The following HOMER1 variants were observed in gnomAD, a reference collection of about 807,000 sequenced individuals.
HOMER1 encodes homer scaffold protein 1.
HOMER1 carries 3 observed loss-of-function variants against 48.9 expected under a neutral mutation model. The ratio of observed to expected loss-of-function variants is 0.06; its 90% CI spans 0.03 to 0.16. The LOEUF is 0.16. Among genes scored for constraint, HOMER1 ranks in the 10% least tolerant of loss-of-function variants. HOMER1 has a pLI of 1.00. For missense variants in HOMER1, 247 were observed against 411.4 expected, an observed-to-expected ratio of 0.60 and a Z score of 3.46; for synonymous variants, 134 against 146.4, an observed-to-expected ratio of 0.92 and a Z score of 0.61.
At chr5:79,507,701 A>G (rs1005029176) in intron 1 of HOMER1, among the ~76,000 whole-genome samples, 1 of 128,920 alleles carries the variant, frequency 7.8e-6, no homozygotes, top group Non-Finnish European at 1.5e-5. Flanking sequence ...TCAACTAAAC[A>G]CTAAAGACTG....
chr5:79,407,319 GA>G (rs369393571), intron 5 of HOMER1, among the ~76,000 whole-genome samples: 3,942 of 143,834 alleles, frequency 0.027, 173 homozygotes, highest in African/African-American at 0.093. Flanking sequence ...CAAAAAGCAA[GA>G]AAAAAAAAAC....
chr5:79,394,140 A>C (rs1251657698), intron 8 of HOMER1, among the ~76,000 whole-genome samples: 1 of 152,242 alleles, frequency 6.6e-6, no homozygotes, highest in African/African-American at 2.4e-5. Flanking sequence ...ATAAATTAGA[A>C]AAACTGTAGC....
chr5:79,412,855 A>T (rs986580219), intron 5 of HOMER1, among the ~76,000 whole-genome samples: 1 of 152,276 alleles, frequency 6.6e-6, no homozygotes, highest in Non-Finnish European at 1.5e-5. Flanking sequence ...TCACAAAGAC[A>T]TTAAAGCAGT....
chr5:79,451,031 C>T lies in HOMER1; in HGVS notation c.253G>A (p.Val85Ile), dbSNP rs371966108. ...TCAGAGGAGAATCCCAATCCATAAA[C>T]GGTGTTTGCCCGGCTATCAGCCCAC... ...GQWADSRANT[V>I]YGLGFSSEHH... is the part of the protein sequence containing the mutation. Residue 85 changes from valine (V) to isoleucine (I), a missense_variant, in exon 3 of 9, where the codon GTT becomes ATT. Physicochemically the swap from Val to Ile is conservative, Grantham distance 29. Coordinates refer to ENST00000334082, the MANE Select transcript of HOMER1 (RefSeq NM_004272.5). 21 of 1,613,750 alleles carry T rather than the reference C, an allele frequency of 1.3e-5. No individual in the cohort carries two copies. Among genetic ancestry groups the T allele is most frequent in the Admixed American group, 3.3e-5 (2 of 59,996 alleles).
chr5:79,468,744 G>A (rs1751542793), intron 1 of HOMER1, among the ~76,000 whole-genome samples: 1 of 152,042 alleles, frequency 6.6e-6, no homozygotes, highest in South Asian at 2.1e-4. Context: ...CTAGTCATAG[G>A]GTATTGGTAC....
At chr5:79,427,652 CTT>C (rs1750296061) in intron 5 of HOMER1, among the ~76,000 whole-genome samples, 1 of 118,504 alleles carries the variant, frequency 8.4e-6, no homozygotes, top group Non-Finnish European at 1.7e-5. Flanking sequence ...TCCTTCCTAC[CTT>C]CCTTCCTTCC....
Position 79,445,429 on chromosome 5 carries a change from GTATTA to G in HOMER1, c.387+1619_387+1623del, listed in dbSNP as rs1750848718. On this transcript the variant is annotated intron_variant, in intron 4 of 8. Coordinates refer to ENST00000334082, the MANE Select transcript of HOMER1 (RefSeq NM_004272.5). ...ATATTAATCATACAGTAAAACCACT[GTATTA>G]TAAAAGTACCAAAATGTAACTATTT... Among the ~76,000 whole-genome samples the G allele has an allele frequency of 6.6e-5, 10 of 152,292 alleles. 1 individual carries two copies. In the South Asian group the frequency reaches 2.1e-3, roughly 32 times the overall value.
At chr5:79,483,471 G>A (rs1299167342) in intron 1 of HOMER1, among the ~76,000 whole-genome samples, 1 of 151,058 alleles carries the variant, frequency 6.6e-6, no homozygotes, top group East Asian at 1.9e-4. Flanking sequence ...AATGGTTAAT[G>A]GTTTATGTTA....
At chr5:79,477,475 G>A (rs963717945) in intron 1 of HOMER1, among the ~76,000 whole-genome samples, 1 of 152,156 alleles carries the variant, frequency 6.6e-6, no homozygotes, top group African/African-American at 2.4e-5. Context: ...TATCCCTTCT[G>A]TTGGCTGGAT....
intron 5 of HOMER1, among the ~76,000 whole-genome samples, chr5:79,405,545 T>C (rs1329198954): frequency 6.6e-6 from 1 of 152,230 alleles, no homozygotes. Flanking sequence ...TTTTTTTCTA[T>C]GAATTTTTGT....
At position 79,447,710 on chromosome 5, in the gene HOMER1, A is replaced by G. The variant is rs1056154297; in HGVS notation, c.295-565T>C. ...AGCTCATGTACAGCAGCAGAAAGGA[A>G]TAATACTCAGTGGTCTTTAAGATGG... On this transcript the variant is annotated intron_variant, in intron 3 of 8. Coordinates refer to ENST00000334082, the MANE Select transcript of HOMER1 (RefSeq NM_004272.5). Among the ~76,000 whole-genome samples the G allele has an allele frequency of 3.3e-5, 5 of 152,230 alleles. No individual in the cohort carries two copies. The East Asian group carries it at 7.7e-4, about 23-fold the overall frequency.
At chr5:79,503,649 T>C (rs1403480232) in intron 1 of HOMER1, among the ~76,000 whole-genome samples, 1 of 150,610 alleles carries the variant, frequency 6.6e-6, no homozygotes, top group Non-Finnish European at 1.5e-5. Context: ...AAGACCAGCC[T>C]GGCCAACATG....
intron 1 of HOMER1, among the ~76,000 whole-genome samples, chr5:79,463,559 T>C (rs536099578): frequency 1.3e-5 from 2 of 152,330 alleles, no homozygotes; most frequent in African/African-American, 4.8e-5. Context: ...CGTTTGCTAA[T>C]TGTTTCAAAC....
intron 5 of HOMER1, among the ~76,000 whole-genome samples, chr5:79,407,381 T>A (rs1170417079): frequency 6.6e-6 from 1 of 152,116 alleles, no homozygotes; most frequent in Admixed American, 6.5e-5. Flanking sequence ...ACTCAGAGAT[T>A]AATCTGATCT....
At chr5:79,416,327 CA>C (rs1465516282) in intron 5 of HOMER1, among the ~76,000 whole-genome samples, 2 of 152,122 alleles carry the variant, frequency 1.3e-5, no homozygotes, top group Non-Finnish European at 2.9e-5. Flanking sequence ...AATAAGTAAA[CA>C]GAAATGATTC....
chr5:79,383,939 TA>T (rs1367819514), intron 8 of HOMER1, among the ~76,000 whole-genome samples: 1 of 151,858 alleles, frequency 6.6e-6, no homozygotes, highest in Non-Finnish European at 1.5e-5. Flanking sequence ...AGATGAAAAT[TA>T]AAAAATATTT....
chr5:79,507,982 C>T (rs768961364), intron 1 of HOMER1, among the ~76,000 whole-genome samples: 3 of 152,180 alleles, frequency 2.0e-5, no homozygotes, highest in Non-Finnish European at 2.9e-5. Flanking sequence ...ATCTCTCAGT[C>T]ACCATCCCTC....
At chr5:79,393,456 G>A (rs571221698) in intron 8 of HOMER1, among the ~76,000 whole-genome samples, 50 of 152,170 alleles carry the variant, frequency 3.3e-4, no homozygotes, top group African/African-American at 1.1e-3. Context: ...AAATGCACTC[G>A]TGACTTCAAG....
chr5:79,425,261 A>T (rs1475648601), intron 5 of HOMER1, among the ~76,000 whole-genome samples: 2 of 152,100 alleles, frequency 1.3e-5, no homozygotes, highest in South Asian at 2.1e-4. Context: ...AAAAAAAAAA[A>T]ATCTAACTTG....
Sources: gnomAD v4.1 joint callset for allele counts (sites outside exome capture counted in the v4.1 genomes callset) on GRCh38, gnomAD v4.1.1 for gene constraint, MANE v1.5 for transcripts, NCBI Gene and HGNC (gene_info 2026-07-23, HGNC 2026-07-21) for gene names.